TENM2: variants seen among roughly 807,000 people sequenced by gnomAD.
TENM2 encodes teneurin-2.
A neutral mutation model predicts 245.2 loss-of-function variants in TENM2; 52 were observed. The ratio of observed to expected loss-of-function variants is 0.21; its 90% CI spans 0.17 to 0.27. The LOEUF (loss-of-function observed/expected upper bound fraction) is 0.27. Ranked by LOEUF, TENM2 falls within the 10% of genes least tolerant of loss-of-function variation. The pLI is 1.00. For synonymous variants in TENM2, 1,363 were observed against 1,438.9 expected (o/e 0.95, Z 1.19); for missense variants, 3,046 against 3,666.8 (o/e 0.83, Z 4.37).
chr5:167,962,826 T>G (rs2151892557), intron 4 of TENM2, among the ~76,000 whole-genome samples: 1 of 152,298 alleles, frequency 6.6e-6, no homozygotes, highest in East Asian at 1.9e-4. Flanking sequence ...TACCTCCCAC[T>G]GGGTCCCTCC....
chr5:167,860,574 GACAAT>G (rs1420514934), intron 2 of TENM2, among the ~76,000 whole-genome samples: 4 of 108,730 alleles, frequency 3.7e-5, no homozygotes, highest in Non-Finnish European at 7.3e-5. Context: ...GGGCCAGGAT[GACAAT>G]GGCGGCTTTG....
At chr5:167,752,992 G>A (rs1762058995) in intron 2 of TENM2, among the ~76,000 whole-genome samples, 1 of 152,046 alleles carries the variant, frequency 6.6e-6, no homozygotes, top group Non-Finnish European at 1.5e-5. Context: ...TTAGCCAAGG[G>A]GATGGTTGGC....
rs1403082551 is a variant in TENM2 at position 167,452,756 on chromosome 5, G to A, written c.502+77283G>A. On this transcript the variant is annotated intron_variant, in intron 2 of 28. Transcript: ENST00000518659. ...TGAGACCACTTGGACACAGGAAGGGGAACATCACACACCGTGGCCTGTTGT... is the reference window on the plus strand; with the variant it reads ...TGAGACCACTTGGACACAGGAAGGGAAACATCACACACCGTGGCCTGTTGT... 1.3e-4 allele frequency among the ~76,000 whole-genome samples: 19 copies of A among 151,152 alleles called. No individual in the cohort carries two copies. The East Asian group carries it at 3.7e-3, about 30-fold the overall frequency.
intron 2 of TENM2, among the ~76,000 whole-genome samples, chr5:167,627,317 GTA>G (rs1003789556): frequency 2.4e-4 from 36 of 152,150 alleles, no homozygotes; most frequent in African/African-American, 7.7e-4. Flanking sequence ...TGATAATTCA[GTA>G]TATGAGTTCC....
intron 1 of TENM2, among the ~76,000 whole-genome samples, chr5:167,327,181 G>A (rs749460294): frequency 6.6e-6 from 1 of 151,092 alleles, no homozygotes; most frequent in Non-Finnish European, 1.5e-5. Flanking sequence ...CCCGCTCCCC[G>A]CATCCCACAA....
At chr5:167,482,558 G>A (rs1402551259) in intron 2 of TENM2, among the ~76,000 whole-genome samples, 1 of 152,136 alleles carries the variant, frequency 6.6e-6, no homozygotes, top group African/African-American at 2.4e-5. Context: ...CAGTTGAGAA[G>A]TTGGATAACA....
chr5:167,110,529 G>A, the TENM2 span, among the ~76,000 whole-genome samples: 1 of 152,188 alleles, frequency 6.6e-6, no homozygotes, highest in Non-Finnish European at 1.5e-5. Flanking sequence ...ATTATATTAT[G>A]AGCCAATGTA....
chr5:167,029,480 C>A, the TENM2 span, among the ~76,000 whole-genome samples: 2 of 152,194 alleles, frequency 1.3e-5, no homozygotes, highest in Non-Finnish European at 1.5e-5. Flanking sequence ...AGCATCTGTG[C>A]TGTGGTGGAC....
chr5:168,021,192 A>G (rs865824198), intron 5 of TENM2, among the ~76,000 whole-genome samples: 5 of 152,210 alleles, frequency 3.3e-5, no homozygotes, highest in Non-Finnish European at 7.3e-5. Flanking sequence ...ATGATTTTCT[A>G]TGTCTGGAAG....
intron 2 of TENM2, among the ~76,000 whole-genome samples, chr5:167,594,923 G>C (rs1776102779): frequency 6.6e-6 from 1 of 152,136 alleles, no homozygotes; most frequent in Non-Finnish European, 1.5e-5. Context: ...CTGGCAGTTT[G>C]AAATGCATTA....
intron 2 of TENM2, among the ~76,000 whole-genome samples, chr5:167,751,144 C>T (rs113054039): frequency 6.6e-6 from 1 of 151,998 alleles, no homozygotes; most frequent in African/African-American, 2.4e-5. Context: ...GAGGGAAATA[C>T]ATGGTAGGAA....
At chr5:167,885,758 A>G (rs988955157) in intron 3 of TENM2, among the ~76,000 whole-genome samples, 8 of 152,292 alleles carry the variant, frequency 5.3e-5, no homozygotes, top group East Asian at 1.9e-4. Flanking sequence ...GTCTTGGCTC[A>G]CTGCAACCTC....
At chr5:168,180,018 A>T (rs1690722874) in intron 13 of TENM2, among the ~76,000 whole-genome samples, 1 of 152,176 alleles carries the variant, frequency 6.6e-6, no homozygotes, top group African/African-American at 2.4e-5. Flanking sequence ...GAGCTGGAGG[A>T]CAGGGGCTCT....
At chr5:168,139,409 G>T (rs950021646) in intron 12 of TENM2, 4 of 447,912 alleles carry the variant, frequency 8.9e-6, no homozygotes, top group Admixed American at 4.9e-5. Flanking sequence ...AAAACCTTCA[G>T]ATGCTTATAA....
At chr5:167,749,499 G>T (rs948465413) in intron 2 of TENM2, among the ~76,000 whole-genome samples, 1 of 152,018 alleles carries the variant, frequency 6.6e-6, no homozygotes, top group Non-Finnish European at 1.5e-5. Context: ...TCAGCCGGGT[G>T]TGGTGGTGGG....
the TENM2 span, among the ~76,000 whole-genome samples, chr5:167,137,815 T>C: frequency 6.6e-6 from 1 of 152,196 alleles, no homozygotes; most frequent in African/African-American, 2.4e-5. Context: ...CAGAAACTAG[T>C]CATGTGTTTT....
intron 12 of TENM2, among the ~76,000 whole-genome samples, chr5:168,154,249 T>C (rs934197022): frequency 6.6e-6 from 1 of 151,860 alleles, no homozygotes; most frequent in Non-Finnish European, 1.5e-5. Flanking sequence ...GTCTCGTTCT[T>C]TTGCCCAGGC....
At chr5:168,132,012 T>C (rs1754622837) in intron 12 of TENM2, among the ~76,000 whole-genome samples, 1 of 152,092 alleles carries the variant, frequency 6.6e-6, no homozygotes, top group African/African-American at 2.4e-5. Context: ...AGCTGTTCCA[T>C]TGCTGATTCT....
chr5:168,206,588 C>G (rs953824601), intron 19 of TENM2, among the ~76,000 whole-genome samples: 1 of 152,190 alleles, frequency 6.6e-6, no homozygotes, highest in Non-Finnish European at 1.5e-5. Context: ...GAAGGACACA[C>G]GTGGGAAGAG....
Sources: gnomAD v4.1 joint callset for allele counts (sites outside exome capture counted in the v4.1 genomes callset) on GRCh38, gnomAD v4.1.1 for gene constraint, MANE v1.5 for transcripts, NCBI Gene and HGNC (gene_info 2026-07-23, HGNC 2026-07-21) for gene names.